Variants in PTPRE observed in about 807,000 individuals in gnomAD.
The protein encoded by PTPRE is receptor-type tyrosine-protein phosphatase epsilon.
In PTPRE, 51 loss-of-function variants were observed where a neutral mutation model predicts 102.0. That is an observed-to-expected ratio of 0.50 (90% CI 0.40 to 0.63). The LOEUF is 0.63. PTPRE is among the 30% of genes least tolerant of loss of function. The pLI is 0.00. For missense variants in PTPRE, 752 were observed against 915.1 expected, an observed-to-expected ratio of 0.82 and a Z score of 2.30; for synonymous variants, 345 against 348.2, an observed-to-expected ratio of 0.99 and a Z score of 0.10.
intron 2 of PTPRE, among the ~76,000 whole-genome samples, chr10:128,014,828 T>C (rs992682898): frequency 6.6e-6 from 1 of 152,064 alleles, no homozygotes; most frequent in South Asian, 2.1e-4. Flanking sequence ...ACCCTGTGGC[T>C]GGGCGTCCAT....
chr10:127,944,686 C>A lies in PTPRE; in HGVS notation c.-31+37377C>A, dbSNP rs1452170845. On this transcript the variant is annotated intron_variant, in intron 1 of 20. Coordinates refer to ENST00000254667, the MANE Select transcript of PTPRE (RefSeq NM_006504.6). The surrounding 1 kb of genome is among the most constrained non-coding windows in gnomAD (Gnocchi z 4.2). Reference sequence around the variant, plus strand: ...TTGAGGAGATTGAGCAGGAGAGTGACAAATGGAACTGTGTATTTGAAAGAT... The same window carrying A: ...TTGAGGAGATTGAGCAGGAGAGTGAAAAATGGAACTGTGTATTTGAAAGAT... Among the ~76,000 whole-genome samples, 1 of 152,116 alleles carries A rather than the reference C, an allele frequency of 6.6e-6. No homozygotes were observed. Among genetic ancestry groups the A allele is most frequent in the Non-Finnish European group, 1.5e-5 (1 of 68,034 alleles).
chr10:128,004,075 G>T (rs1564872142), intron 2 of PTPRE, among the ~76,000 whole-genome samples: 2 of 152,054 alleles, frequency 1.3e-5, no homozygotes, highest in Non-Finnish European at 2.9e-5. Context: ...TATTGTTGGG[G>T]GGATTAAATG....
At chr10:127,972,255 G>C (rs1371556090) in intron 1 of PTPRE, among the ~76,000 whole-genome samples, 5 of 152,170 alleles carry the variant, frequency 3.3e-5, no homozygotes, top group Non-Finnish European at 7.4e-5. Flanking sequence ...CCAGGCCCAG[G>C]CACCAAGGGC....
At chr10:128,017,459 A>AT (rs1291357042) in intron 2 of PTPRE, among the ~76,000 whole-genome samples, 1 of 152,078 alleles carries the variant, frequency 6.6e-6, no homozygotes, top group Non-Finnish European at 1.5e-5. Flanking sequence ...TCTCACAGAC[A>AT]TTTTTTAGAG....
At chr10:128,017,266 G>A (rs1319320112) in intron 2 of PTPRE, among the ~76,000 whole-genome samples, 4 of 152,170 alleles carry the variant, frequency 2.6e-5, no homozygotes, top group Admixed American at 2.6e-4. Flanking sequence ...GGCGGGGCAA[G>A]TGGGGCGGGC....
intron 7 of PTPRE, among the ~76,000 whole-genome samples, chr10:128,059,047 G>A (rs1269540172): frequency 6.6e-6 from 1 of 152,198 alleles, no homozygotes; most frequent in African/African-American, 2.4e-5. Flanking sequence ...ATAATGTTTT[G>A]AATGTGAAGT....
At chr10:127,990,425 AAAAAAAAAG>A (rs1852523211) in intron 2 of PTPRE, among the ~76,000 whole-genome samples, 1 of 151,700 alleles carries the variant, frequency 6.6e-6, no homozygotes, top group African/African-American at 2.4e-5. Context: ...AAAAAAAAAA[AAAAAAAAAG>A]AAAGAAAAGA....
At chr10:128,014,769 G>C (rs1441529324) in intron 2 of PTPRE, among the ~76,000 whole-genome samples, 3 of 152,088 alleles carry the variant, frequency 2.0e-5, no homozygotes, top group African/African-American at 7.2e-5. Context: ...GAGGGCACTG[G>C]GGGTGGTCAG....
intron 2 of PTPRE, among the ~76,000 whole-genome samples, chr10:127,984,027 G>A (rs1334255461): frequency 6.6e-6 from 1 of 151,910 alleles, no homozygotes; most frequent in Non-Finnish European, 1.5e-5. Flanking sequence ...GCTTCAGGGG[G>A]CACCTCCCTT....
chr10:128,060,069 CA>C (rs1849409821), intron 7 of PTPRE, among the ~76,000 whole-genome samples: 1 of 118,682 alleles, frequency 8.4e-6, no homozygotes, highest in Non-Finnish European at 1.7e-5. Context: ...ACACCACACA[CA>C]TACCACACAC....
chr10:128,056,109 A>C lies in PTPRE; in HGVS notation c.421-14A>C, dbSNP rs1341027948. ...ATCCATCACATTTCATACTAATGCT[A>C]CATTTTCTTCCAGTCATTGCCATCT... On this transcript the variant is annotated splice_polypyrimidine_tract_variant and intron_variant, in intron 6 of 20. Transcript: ENST00000254667. The C allele has an allele frequency of 6.3e-7, 1 of 1,583,108 alleles. No homozygotes were observed. Among genetic ancestry groups the C allele is most frequent in the Admixed American group, 1.7e-5 (1 of 59,894 alleles).
chr10:128,001,909 C>T (rs375827769), intron 2 of PTPRE, among the ~76,000 whole-genome samples: 2 of 152,214 alleles, frequency 1.3e-5, no homozygotes, highest in South Asian at 2.1e-4. Context: ...CACCTGGTTT[C>T]TCCTCTCTCC....
At chr10:127,987,930 C>G (rs996348633) in intron 2 of PTPRE, among the ~76,000 whole-genome samples, 1 of 152,246 alleles carries the variant, frequency 6.6e-6, no homozygotes, top group African/African-American at 2.4e-5. Flanking sequence ...TGTCTTCAGG[C>G]TCCTGAGGCC....
Position 128,073,186 on chromosome 10 carries a change from T to G in PTPRE, c.1465-151T>G, listed in dbSNP as rs1243039689. The G allele has an allele frequency of 7.6e-6, 8 of 1,048,394 alleles. No homozygotes were observed. The East Asian group carries it at 1.8e-4, about 24-fold the overall frequency. The allele number at this position is 1,048,394 out of a possible 1,614,324, so 64.9% of individuals were successfully genotyped here. ...TTGACCTGCTTGTCAGGTGTGTGCC[T>G]GAGTGCTCGTGCCAACTGGGGTCTG... On this transcript the variant is annotated intron_variant, in intron 16 of 20. Coordinates refer to ENST00000254667, the MANE Select transcript of PTPRE (RefSeq NM_006504.6).
chr10:128,018,189 C>A (rs1348947086), intron 2 of PTPRE, among the ~76,000 whole-genome samples: 1 of 150,878 alleles, frequency 6.6e-6, no homozygotes, highest in African/African-American at 2.4e-5. Flanking sequence ...AGCTTTGGGG[C>A]GGGGGGCATG....
At chr10:127,965,247 C>T (rs1043237029) in intron 1 of PTPRE, among the ~76,000 whole-genome samples, 1 of 152,044 alleles carries the variant, frequency 6.6e-6, no homozygotes, top group African/African-American at 2.4e-5. Flanking sequence ...ACAAGAATGG[C>T]AAGGATCTTT....
intron 1 of PTPRE, among the ~76,000 whole-genome samples, chr10:127,956,256 G>C (rs1849395429): frequency 6.6e-6 from 1 of 152,072 alleles, no homozygotes; most frequent in Admixed American, 6.6e-5. Flanking sequence ...CATTATTTTG[G>C]GGTGTTGTCT....
chr10:128,035,007 A>G (rs2135763424), intron 2 of PTPRE, among the ~76,000 whole-genome samples: 1 of 152,238 alleles, frequency 6.6e-6, no homozygotes, highest in Non-Finnish European at 1.5e-5. Context: ...TTGTTGACAC[A>G]AGGTCTGGCT....
chr10:127,974,385 A>G (rs560892475), intron 1 of PTPRE, among the ~76,000 whole-genome samples: 6 of 152,308 alleles, frequency 3.9e-5, no homozygotes, highest in South Asian at 2.1e-4. Context: ...AATGTTCCAT[A>G]CACTCTCTGG....
Sources: allele counts gnomAD v4.1 joint callset (sites outside exome capture counted in the v4.1 genomes callset), GRCh38; gene constraint gnomAD v4.1.1; non-coding constraint Gnocchi (gnomAD v3.1); transcripts MANE v1.5; gene names NCBI Gene and HGNC (gene_info 2026-07-23, HGNC 2026-07-21).